The following GRM7 variants were observed in gnomAD, a reference collection of about 807,000 sequenced individuals.
GRM7 encodes the protein glutamate metabotropic receptor 7, also known as metabotropic glutamate receptor 7.
In GRM7, 35 loss-of-function variants were observed where a neutral mutation model predicts 84.5. The ratio of observed to expected loss-of-function variants is 0.41; its 90% CI spans 0.32 to 0.55. The LOEUF is 0.55. Ranked by LOEUF, GRM7 falls within the 20% of genes least tolerant of loss-of-function variation. The pLI is 0.19. For missense variants in GRM7, 1,003 were observed against 1,194.6 expected (o/e 0.84, Z 2.36); for synonymous variants, 487 against 455.1 (o/e 1.07, Z -0.89).
At chr3:7,106,015 A>C (rs1452730349) in intron 1 of GRM7, among the ~76,000 whole-genome samples, 4 of 151,928 alleles carry the variant, frequency 2.6e-5, no homozygotes, top group Non-Finnish European at 5.9e-5. Flanking sequence ...CTGGAGAAGT[A>C]TTAACTTCTC....
intron 8 of GRM7, among the ~76,000 whole-genome samples, chr3:7,590,676 A>G (rs1695736766): frequency 6.6e-6 from 1 of 152,086 alleles, no homozygotes; most frequent in African/African-American, 2.4e-5. Flanking sequence ...TTTGTTCAGG[A>G]TATGCCTTCT....
At chr3:7,259,869 T>A (rs751994145) in intron 2 of GRM7, among the ~76,000 whole-genome samples, 1 of 151,818 alleles carries the variant, frequency 6.6e-6, no homozygotes, top group Non-Finnish European at 1.5e-5. Context: ...ATCGCCACAC[T>A]GCGTTCCACA....
intron 2 of GRM7, among the ~76,000 whole-genome samples, chr3:7,247,128 C>T (rs1392945998): frequency 6.6e-6 from 1 of 152,086 alleles, no homozygotes; most frequent in Admixed American, 6.6e-5. Context: ...AATCTTAACC[C>T]TTGCCTCTCA....
chr3:6,980,218 T>A (rs1440014244), intron 1 of GRM7, among the ~76,000 whole-genome samples: 2 of 152,172 alleles, frequency 1.3e-5, no homozygotes, highest in African/African-American at 4.8e-5. Context: ...CTTACCTGAA[T>A]AATCAGAGCA....
intron 1 of GRM7, among the ~76,000 whole-genome samples, chr3:6,970,588 G>A (rs1693711560): frequency 6.6e-6 from 1 of 152,200 alleles, no homozygotes; most frequent in South Asian, 2.1e-4. Flanking sequence ...GGGAATTTGA[G>A]CGTAGCTGGA....
intron 1 of GRM7, among the ~76,000 whole-genome samples, chr3:7,065,449 C>G (rs1350729440): frequency 6.6e-6 from 1 of 151,792 alleles, no homozygotes; most frequent in Non-Finnish European, 1.5e-5. Flanking sequence ...AAAAGGGTAT[C>G]CTTTCCCCAC....
chr3:7,561,109 C>G (rs555698381), intron 7 of GRM7, among the ~76,000 whole-genome samples: 59 of 152,240 alleles, frequency 3.9e-4, no homozygotes, highest in Middle Eastern at 3.4e-3. Context: ...AAACTACTTA[C>G]AGACCTTCAT....
chr3:7,023,255 G>A (rs1695847016), intron 1 of GRM7, among the ~76,000 whole-genome samples: 1 of 152,106 alleles, frequency 6.6e-6, no homozygotes, highest in Non-Finnish European at 1.5e-5. Context: ...CCCAAGGGAG[G>A]AGATCTCAAG....
chr3:7,010,573 T>G (rs1227579071), intron 1 of GRM7, among the ~76,000 whole-genome samples: 1 of 152,070 alleles, frequency 6.6e-6, no homozygotes, highest in Non-Finnish European at 1.5e-5. Context: ...AACAACCGAA[T>G]CAGATATTGA....
chr3:7,132,080 T>C (rs1409618926), intron 1 of GRM7, among the ~76,000 whole-genome samples: 2 of 152,220 alleles, frequency 1.3e-5, no homozygotes, highest in Non-Finnish European at 2.9e-5. Context: ...CCCAATTAGC[T>C]TAAACAACAC....
At chr3:7,019,700 C>T (rs147480047) in intron 1 of GRM7, among the ~76,000 whole-genome samples, 77 of 152,160 alleles carry the variant, frequency 5.1e-4, no homozygotes, top group South Asian at 2.5e-3. Context: ...AATTGCAGGA[C>T]GGTAAAGAGT....
chr3:7,356,405 G>A (rs972690995), intron 4 of GRM7, among the ~76,000 whole-genome samples: 8 of 151,582 alleles, frequency 5.3e-5, no homozygotes, highest in Non-Finnish European at 7.4e-5. Flanking sequence ...AAATTCAAGC[G>A]ATTCTCCTGC....
chr3:7,523,810 G>T (rs867551016), intron 7 of GRM7, among the ~76,000 whole-genome samples: 2 of 152,036 alleles, frequency 1.3e-5, no homozygotes, highest in Non-Finnish European at 2.9e-5. Context: ...GGACAGATAT[G>T]GAAATGCGGG....
chr3:7,541,181 T>C (rs1692865933), intron 7 of GRM7, among the ~76,000 whole-genome samples: 1 of 152,178 alleles, frequency 6.6e-6, no homozygotes, highest in East Asian at 1.9e-4. Flanking sequence ...AGTGTACTTT[T>C]TTTTGCATGC....
At chr3:7,465,293 T>A (rs1306477310) in intron 7 of GRM7, among the ~76,000 whole-genome samples, 1 of 151,840 alleles carries the variant, frequency 6.6e-6, no homozygotes. Flanking sequence ...ATGAAGGGAG[T>A]CATTTTTAGG....
At chr3:7,021,410 T>G (rs2124912221) in intron 1 of GRM7, among the ~76,000 whole-genome samples, 1 of 152,348 alleles carries the variant, frequency 6.6e-6, no homozygotes, top group Admixed American at 6.5e-5. Flanking sequence ...GAAGGAACTT[T>G]AAGTTATACT....
chr3:7,406,885 G>A (rs1474328514), intron 4 of GRM7, among the ~76,000 whole-genome samples: 3 of 152,174 alleles, frequency 2.0e-5, no homozygotes, highest in South Asian at 2.1e-4. Context: ...GTGCCAATAT[G>A]TATTGCAGTC....
intron 2 of GRM7, among the ~76,000 whole-genome samples, chr3:7,274,639 T>C (rs1251678650): frequency 6.6e-6 from 1 of 152,110 alleles, no homozygotes; most frequent in East Asian, 1.9e-4. Context: ...TTGTCTGTAA[T>C]TCTTATCATT....
At chr3:7,043,829 G>A (rs1419259009) in intron 1 of GRM7, among the ~76,000 whole-genome samples, 2 of 152,060 alleles carry the variant, frequency 1.3e-5, no homozygotes, top group Admixed American at 1.3e-4. Context: ...TCAAATACAA[G>A]CCTTGACTTC....
Sources: allele counts gnomAD v4.1 joint callset (sites outside exome capture counted in the v4.1 genomes callset), GRCh38; gene constraint gnomAD v4.1.1; transcripts MANE v1.5; gene names NCBI Gene and HGNC (gene_info 2026-07-23, HGNC 2026-07-21).